Variants in GABRR1 observed in about 807,000 individuals in gnomAD.
GABRR1 encodes gamma-aminobutyric acid type A receptor subunit rho1.
Under a neutral mutation model 55.5 loss-of-function variants are expected in GABRR1, and 59 were observed. The observed-to-expected ratio is 1.06, with a 90% CI of 0.86 to 1.32. The LOEUF (loss-of-function observed/expected upper bound fraction) is 1.32, where lower values mean the gene tolerates loss of function less well. Ranked by LOEUF, GABRR1 falls within the 40% of genes most tolerant of loss-of-function variation. The pLI is 0.00. For synonymous variants in GABRR1, 213 were observed against 226.0 expected (o/e 0.94, Z 0.51); for missense variants, 602 against 619.1 (o/e 0.97, Z 0.29).
Position 89,211,361 on chromosome 6 carries a change from C to T in GABRR1, c.122+5840G>A, listed in dbSNP as rs1772829460. Among the ~76,000 whole-genome samples the T allele has an allele frequency of 3.3e-5, 5 of 152,244 alleles. No individual in the cohort carries two copies. The South Asian group carries it at 1.0e-3, about 32-fold the overall frequency. ...TCCTTTGAACCCTCCAAAGTCCCTC[C>T]TACCCTAAAACTCTCCTGTCTTCCT... On this transcript the variant is annotated intron_variant, in intron 1 of 9. Transcript: ENST00000454853.
upstream of GABRR1, among the ~76,000 whole-genome samples, chr6:89,218,746 G>A (rs1483697458): frequency 2.0e-5 from 3 of 152,238 alleles, no homozygotes; most frequent in East Asian, 3.8e-4. Flanking sequence ...AAGGTTGGCT[G>A]TACTTACGGA....
chr6:89,186,684 T>C (rs560679380), intron 6 of GABRR1, among the ~76,000 whole-genome samples: 2 of 152,368 alleles, frequency 1.3e-5, no homozygotes, highest in South Asian at 2.1e-4. Context: ...CTGGAGACAA[T>C]GAACTCAGTA....
At chr6:89,213,728 T>C (rs1247726847) in intron 1 of GABRR1, among the ~76,000 whole-genome samples, 1 of 152,244 alleles carries the variant, frequency 6.6e-6, no homozygotes, top group Non-Finnish European at 1.5e-5. Context: ...ATGCATGGCA[T>C]AATTCCAAAC....
chr6:89,230,673 A>G (rs1233242354), intron 1 of GABRR1, among the ~76,000 whole-genome samples: 1 of 151,484 alleles, frequency 6.6e-6, no homozygotes, highest in African/African-American at 2.4e-5. Flanking sequence ...CAAAGCTGTC[A>G]GACAGGGACA....
chr6:89,196,881 G>GAAAGAAAGAAAGAAAGAAAGAAAGAA (rs57085890), intron 5 of GABRR1, among the ~76,000 whole-genome samples: 1 of 95,230 alleles, frequency 1.1e-5, no homozygotes, highest in Non-Finnish European at 2.3e-5. Context: ...GAAAGAAAGA[G>GAAAGAAAGAAAGAAAGAAAGAAAGAA]AAGAGAAGAA....
In GABRR1 at chr6:89,185,435, T is replaced by A; in HGVS notation, c.671A>T (p.Asp224Val). The A allele has an allele frequency of 5.0e-6, 8 of 1,613,522 alleles. No homozygotes were observed. The highest frequency in any genetic ancestry group is 6.8e-6 in the Non-Finnish European group (8 of 1,179,528). Residue 224 changes from aspartate (D) to valine (V), a missense_variant, in exon 7 of 10, where the codon GAT becomes GTT. Physicochemically the swap from Asp to Val is radical, Grantham distance 152. Transcript: ENST00000454853. Reference sequence around the variant, plus strand: ...CTTTTTCCAGTACAGCATGAGGTCATCTTCTGTATAGGCATCTGAAAAGAC... The same window carrying A: ...CTTTTTCCAGTACAGCATGAGGTCAACTTCTGTATAGGCATCTGAAAAGAC... Reference protein sequence around the residue: ...LEIESYAYTEDDLMLYWKKGN... With the variant: ...LEIESYAYTEVDLMLYWKKGN...
At chr6:89,219,004 G>A (rs530417475), upstream of GABRR1, among the ~76,000 whole-genome samples, 16 of 152,062 alleles carry the variant, frequency 1.1e-4, no homozygotes, top group East Asian at 1.9e-4. Flanking sequence ...GGTGGCTCAC[G>A]CCTGTAATCC....
At chr6:89,200,866 C>T (rs1255143336) in intron 3 of GABRR1, among the ~76,000 whole-genome samples, 2 of 152,176 alleles carry the variant, frequency 1.3e-5, no homozygotes, top group African/African-American at 2.4e-5. Flanking sequence ...CTGCAGCTGC[C>T]CTGTGTTCTC....
At position 89,189,608 on chromosome 6, in the gene GABRR1, A is replaced by T. The variant is rs141218095; in HGVS notation, c.655+557T>A. Among the ~76,000 whole-genome samples the T allele has an allele frequency of 4.3e-3, 637 of 149,738 alleles. 28 individuals are homozygous for T. The East Asian group carries it at 0.11, about 27-fold the overall frequency. On this transcript the variant is annotated intron_variant, in intron 6 of 9. Coordinates refer to ENST00000454853, the MANE Select transcript of GABRR1 (RefSeq NM_002042.5). The stretch of plus-strand genomic sequence containing the variant: ...GCGCACCAGCATGGCACATGTATAC[A>T]TATGTAACTAACCTGCACAATGTGC...
At chr6:89,183,379 T>C (rs924995656) in intron 7 of GABRR1, among the ~76,000 whole-genome samples, 6 of 152,246 alleles carry the variant, frequency 3.9e-5, no homozygotes, top group Middle Eastern at 3.4e-3. Context: ...TTTGGGGTGA[T>C]GGATACAGGA....
chr6:89,200,344 G>T (rs1326494092), intron 3 of GABRR1, among the ~76,000 whole-genome samples: 1 of 148,476 alleles, frequency 6.7e-6, no homozygotes, highest in Admixed American at 6.8e-5. Context: ...CGCCTCCTGG[G>T]GTCAAGCAAT....
chr6:89,195,574 T>C (rs1325815418), intron 5 of GABRR1, among the ~76,000 whole-genome samples: 1 of 152,104 alleles, frequency 6.6e-6, no homozygotes, highest in South Asian at 2.1e-4. Flanking sequence ...AAAACTGTCA[T>C]CCAAGAATAT....
intron 1 of GABRR1, among the ~76,000 whole-genome samples, chr6:89,209,458 C>T (rs1204420931): frequency 6.6e-6 from 1 of 152,162 alleles, no homozygotes; most frequent in East Asian, 1.9e-4. Flanking sequence ...AATGTCTCAG[C>T]TGCCTAAAAA....
chr6:89,180,748 T>C (rs1020615212), intron 8 of GABRR1, among the ~76,000 whole-genome samples: 2 of 152,252 alleles, frequency 1.3e-5, no homozygotes, highest in Non-Finnish European at 2.9e-5. Flanking sequence ...GTCACTATTC[T>C]TCTGCAAAGA....
At chr6:89,219,483 A>G (rs1204402236), upstream of GABRR1, among the ~76,000 whole-genome samples, 1 of 152,210 alleles carries the variant, frequency 6.6e-6, no homozygotes, top group African/African-American at 2.4e-5. Flanking sequence ...TAATCTTTAG[A>G]ATTATATATA....
At chr6:89,206,083 T>C (rs1161949170) in intron 1 of GABRR1, among the ~76,000 whole-genome samples, 3 of 151,876 alleles carry the variant, frequency 2.0e-5, no homozygotes, top group Non-Finnish European at 2.9e-5. Flanking sequence ...CAACACCCCA[T>C]GCCCCACCCC....
chr6:89,185,491 A>T, intron 6 of GABRR1, 41 bp from the exon 7 acceptor site: 1 of 1,574,384 alleles, frequency 6.4e-7, no homozygotes, highest in Non-Finnish European at 8.7e-7. Context: ...AGGTGGTGGC[A>T]AGACAGGATG....
At chr6:89,224,975 G>A (rs1165621313) in intron 1 of GABRR1, among the ~76,000 whole-genome samples, 1 of 152,122 alleles carries the variant, frequency 6.6e-6, no homozygotes, top group Admixed American at 6.5e-5. Context: ...TAGAGATGGA[G>A]TTTCACCATG....
Position 89,179,041 on chromosome 6 carries a change from G to A in GABRR1, c.1169C>T (p.Pro390Leu). 1 of 1,613,946 alleles carries A rather than the reference G, an allele frequency of 6.2e-7. No homozygotes were observed. The highest frequency in any genetic ancestry group is 1.7e-4 in the Middle Eastern group (1 of 6,060). Residue 390 changes from proline to leucine, a missense_variant, in exon 10 of 10, where the codon CCT becomes CTT. Physicochemically the swap from Pro to Leu is moderately conservative, Grantham distance 98. Coordinates refer to ENST00000454853, the MANE Select transcript of GABRR1 (RefSeq NM_002042.5). ...REKLPCTSGL[P>L]PPRTAMLDGN... ...GTCCAGCATCGCAGTGCGGGGCGGA[G>A]GTAATCCGCTGGTGCAGGGAAGCTG...
Sources: allele counts gnomAD v4.1 joint callset (sites outside exome capture counted in the v4.1 genomes callset), GRCh38; gene constraint gnomAD v4.1.1; transcripts MANE v1.5; gene names NCBI Gene and HGNC (gene_info 2026-07-23, HGNC 2026-07-21).